Variants in RUNX2 observed in about 807,000 individuals in gnomAD.
RUNX2 encodes the protein RUNX family transcription factor 2.
Under a neutral mutation model 51.7 loss-of-function variants are expected in RUNX2, and 10 were observed. That is an observed-to-expected ratio of 0.19 (90% CI 0.12 to 0.33). The LOEUF (loss-of-function observed/expected upper bound fraction) is 0.33, where lower values mean the gene tolerates loss of function less well. RUNX2 is among the 10% of genes least tolerant of loss of function. The pLI is 1.00. For synonymous variants in RUNX2, 276 were observed against 273.6 expected (o/e 1.01, Z -0.09); for missense variants, 562 against 691.3 (o/e 0.81, Z 2.10).
In RUNX2 at chr6:45,422,659, T is replaced by C. The variant is rs1013030225; in HGVS notation, c.125T>C (p.Val42Ala). The change falls in exon 3 of 9, where the codon GTG becomes GCG. Residue 42 changes from valine (V) to alanine (A), a missense_variant. By Grantham distance (64) the Val-to-Ala change is moderately conservative. Around this residue, in one of 5 missense-constraint regions of RUNX2, gnomAD observed 153 missense variants for 144.8 expected, o/e 1.06. Transcript: ENST00000647337. ...SSLQPGKMSD[V>A]SPVVAAQQQQ... ...CTGCAGCCCGGCAAAATGAGCGACG[T>C]GAGCCCGGTGGTGGCTGCGCAACAG... is the stretch of plus-strand genomic sequence containing the variant. 3 of 1,606,180 alleles carry C rather than the reference T, an allele frequency of 1.9e-6. No individual in the cohort carries two copies. The African/African-American group carries it at 4.0e-5, about 22-fold the overall frequency.
At chr6:45,481,866 C>G (rs1800126086) in intron 5 of RUNX2, among the ~76,000 whole-genome samples, 1 of 152,196 alleles carries the variant, frequency 6.6e-6, no homozygotes, top group Non-Finnish European at 1.5e-5. Context: ...TTAATTATTT[C>G]TCTAAAATGA....
intron 2 of RUNX2, among the ~76,000 whole-genome samples, chr6:45,415,396 C>T (rs774522041): frequency 2.0e-5 from 3 of 152,188 alleles, no homozygotes; most frequent in Non-Finnish European, 4.4e-5. Flanking sequence ...CCTGCACAGC[C>T]TTGGCTCCCT....
Position 45,422,692 on chromosome 6 carries a change from A to G in RUNX2, c.158A>G (p.Gln53Arg), listed in dbSNP as rs1798238310. ...SPVVAAQQQQ[Q>R]QQQQQQQQQQ... is the part of the protein sequence containing the mutation. The stretch of plus-strand genomic sequence containing the variant: ...GTGGTGGCTGCGCAACAGCAGCAGC[A>G]ACAGCAGCAGCAGCAACAGCAGCAG... The change falls in exon 3 of 9, where the codon CAA (glutamine) becomes CGA (arginine). Residue 53 changes from glutamine (Q) to arginine (R), a missense_variant. Physicochemically the swap from Gln to Arg is conservative, Grantham distance 43. Coordinates refer to ENST00000647337, the MANE Select transcript of RUNX2 (RefSeq NM_001024630.4). The G allele has an allele frequency of 6.2e-7, 1 of 1,603,454 alleles. No homozygotes were observed. Among genetic ancestry groups the G allele is most frequent in the Non-Finnish European group, 8.5e-7 (1 of 1,176,206 alleles).
chr6:45,400,256 G>A (rs77158371), intron 2 of RUNX2, among the ~76,000 whole-genome samples: 4,000 of 152,122 alleles, frequency 0.026, 160 homozygotes, highest in African/African-American at 0.085. Context: ...GACAGAGGGA[G>A]GAAGGGAAAT....
intron 2 of RUNX2, chr6:45,365,302 C>T: frequency 6.2e-7 from 1 of 1,601,488 alleles, no homozygotes; most frequent in Non-Finnish European, 8.5e-7. Context: ...TATTATTCAT[C>T]TAAATAAAAA....
Position 45,412,830 on chromosome 6 carries a change from C to T in RUNX2, c.59-9763C>T, listed in dbSNP as rs536068686. ...CACAATCTCGGCTTACTGCAACCTC[C>T]GCCTCCAAGATTCAAGTGATTCTCC... On this transcript the variant is annotated intron_variant, in intron 2 of 8. Transcript: ENST00000647337. Among the ~76,000 whole-genome samples the T allele has an allele frequency of 3.5e-4, 54 of 152,234 alleles. 1 individual carries two copies. The South Asian group carries it at 9.1e-3, about 26-fold the overall frequency.
intron 5 of RUNX2, among the ~76,000 whole-genome samples, chr6:45,443,234 A>G (rs1254111452): frequency 6.6e-6 from 1 of 151,766 alleles, no homozygotes; most frequent in Non-Finnish European, 1.5e-5. Flanking sequence ...CATTTTTTGT[A>G]GAGATGGGGT....
At chr6:45,534,395 C>G (rs768412530) in intron 7 of RUNX2, among the ~76,000 whole-genome samples, 2 of 152,138 alleles carry the variant, frequency 1.3e-5, no homozygotes, top group African/African-American at 4.8e-5. Flanking sequence ...CTCTCAGGCT[C>G]TTTGTGAAGG....
intron 2 of RUNX2, among the ~76,000 whole-genome samples, chr6:45,333,091 C>G (rs1411894850): frequency 1.3e-5 from 2 of 151,626 alleles, no homozygotes; most frequent in African/African-American, 4.8e-5. Context: ...GAAAATTCTT[C>G]ATCAAATCTG....
intron 5 of RUNX2, among the ~76,000 whole-genome samples, chr6:45,475,643 A>G (rs1799935722): frequency 6.6e-6 from 1 of 152,120 alleles, no homozygotes; most frequent in Admixed American, 6.5e-5. Context: ...TTAGTTCTGT[A>G]TTTATTGATC....
rs76916158 is a variant in RUNX2, at chr6:45,537,499, C to T, written c.1022-7718C>T. Reference sequence around the variant, plus strand: ...TCATATAGTATAGTCAGTGGCATTGCTACCTTACAGAGGATTTAATGACAA... The same window carrying T: ...TCATATAGTATAGTCAGTGGCATTGTTACCTTACAGAGGATTTAATGACAA... On this transcript the variant is annotated intron_variant, in intron 7 of 8. Coordinates refer to ENST00000647337, the MANE Select transcript of RUNX2 (RefSeq NM_001024630.4). Among the ~76,000 whole-genome samples, 226 of 152,278 alleles carry T rather than the reference C, an allele frequency of 1.5e-3. 1 individual carries two copies. Among genetic ancestry groups the T allele is most frequent in the Non-Finnish European group, 2.8e-3 (193 of 67,992 alleles).
intron 7 of RUNX2, among the ~76,000 whole-genome samples, chr6:45,538,579 T>C (rs1802111828): frequency 6.6e-6 from 1 of 152,176 alleles, no homozygotes; most frequent in Non-Finnish European, 1.5e-5. Context: ...CATGTTTTGG[T>C]AGCCATAAGT....
At chr6:45,541,421 G>A (rs1213332491) in intron 7 of RUNX2, among the ~76,000 whole-genome samples, 1 of 152,120 alleles carries the variant, frequency 6.6e-6, no homozygotes, top group Non-Finnish European at 1.5e-5. Flanking sequence ...TTTAAAAGGG[G>A]GAGAAGATTC....
intron 2 of RUNX2, among the ~76,000 whole-genome samples, chr6:45,331,555 A>G (rs1035568866): frequency 6.6e-6 from 1 of 152,008 alleles, no homozygotes; most frequent in Non-Finnish European, 1.5e-5. Flanking sequence ...ACACATATCA[A>G]AAGCTAAAAA....
intron 2 of RUNX2, among the ~76,000 whole-genome samples, chr6:45,347,528 A>G (rs1345690285): frequency 6.6e-6 from 1 of 152,154 alleles, no homozygotes; most frequent in Non-Finnish European, 1.5e-5. Flanking sequence ...GACCTTTAAT[A>G]TATTTTTTAA....
chr6:45,409,263 T>A (rs1373212083), intron 2 of RUNX2, among the ~76,000 whole-genome samples: 1 of 152,196 alleles, frequency 6.6e-6, no homozygotes, highest in Non-Finnish European at 1.5e-5. Flanking sequence ...AAACTATATA[T>A]CTTCTCTGCA....
At chr6:45,478,594 C>T (rs1014553148) in intron 5 of RUNX2, among the ~76,000 whole-genome samples, 1 of 152,028 alleles carries the variant, frequency 6.6e-6, no homozygotes, top group Non-Finnish European at 1.5e-5. Context: ...CAGACACTGC[C>T]TTGGTCTTTT....
Position 45,330,656 on chromosome 6 carries a change from T to G in RUNX2, c.58+1872T>G, listed in dbSNP as rs575512872. Among the ~76,000 whole-genome samples, 3 of 152,112 alleles carry G rather than the reference T, an allele frequency of 2.0e-5. No homozygotes were observed. The South Asian group carries it at 6.2e-4, about 32-fold the overall frequency. ...CAGGGATCTTATACTTCTGTAACAT[T>G]CTTAATAACTATTCAAAATTTCCAA... On this transcript the variant is annotated intron_variant, in intron 2 of 8. Coordinates refer to ENST00000647337, the MANE Select transcript of RUNX2 (RefSeq NM_001024630.4).
At chr6:45,407,048 G>A (rs528944007) in intron 2 of RUNX2, among the ~76,000 whole-genome samples, 1 of 152,270 alleles carries the variant, frequency 6.6e-6, no homozygotes, top group East Asian at 1.9e-4. Context: ...ACCCTGATCT[G>A]ATCTCTGAAC....
Sources: allele counts gnomAD v4.1 joint callset (sites outside exome capture counted in the v4.1 genomes callset), GRCh38; gene constraint gnomAD v4.1.1; regional missense constraint gnomAD v4.1.1; transcripts MANE v1.5; gene names NCBI Gene and HGNC (gene_info 2026-07-23, HGNC 2026-07-21).